Variants in CKAP5 observed in about 807,000 individuals in gnomAD.
The protein encoded by CKAP5 is cytoskeleton associated protein 5.
CKAP5 carries 27 observed loss-of-function variants against 232.8 expected under a neutral mutation model. The ratio of observed to expected loss-of-function variants is 0.12; its 90% CI spans 0.09 to 0.16. The LOEUF (loss-of-function observed/expected upper bound fraction) is 0.16. CKAP5 is among the 10% of genes least tolerant of loss of function. CKAP5 has a pLI of 1.00. For missense variants in CKAP5, 1,838 were observed against 2,424.7 expected (o/e 0.76, Z 5.08); for synonymous variants, 785 against 841.1 (o/e 0.93, Z 1.16).
intron 1 of CKAP5, among the ~76,000 whole-genome samples, chr11:46,844,346 C>T (rs1488184969): frequency 6.6e-6 from 1 of 152,154 alleles, no homozygotes; most frequent in African/African-American, 2.4e-5. Context: ...TTCTCCCATA[C>T]CTACAAGCCC....
rs189889474 is a variant in CKAP5 at position 46,768,731 on chromosome 11, G to A, written c.3323-1068C>T. 1.8e-3 allele frequency among the ~76,000 whole-genome samples: 271 copies of A among 149,858 alleles called. 2 individuals are homozygous for A. Among genetic ancestry groups the A allele is most frequent in the Non-Finnish European group, 1.8e-3 (123 of 67,422 alleles). ...TGGGTAGCTGGGACCACAGGTGTGC[G>A]CCACCAAGACTAGCTAATTTTTGTA... On this transcript the variant is annotated intron_variant, in intron 26 of 43. Coordinates refer to ENST00000529230, the MANE Select transcript of CKAP5 (RefSeq NM_001008938.4).
chr11:46,788,197 G>A (rs988131593), intron 16 of CKAP5, among the ~76,000 whole-genome samples: 5 of 152,184 alleles, frequency 3.3e-5, no homozygotes, highest in Non-Finnish European at 7.3e-5. Context: ...TGCACAAGGG[G>A]TAGTACCCCT....
Position 46,744,473 on chromosome 11 carries a change from C to T in CKAP5, c.5809G>A (p.Glu1937Lys). 2 of 1,614,130 alleles carry T rather than the reference C, an allele frequency of 1.2e-6. No individual in the cohort carries two copies. Among genetic ancestry groups the T allele is most frequent in the Non-Finnish European group, 1.7e-6 (2 of 1,180,032 alleles). The change falls in exon 43 of 44, where the codon GAA becomes AAA. Residue 1937 changes from glutamate to lysine, a missense_variant. Glu to Lys is a moderately conservative substitution (Grantham distance 56). This residue lies in a region of CKAP5 where 579 missense variants were observed against 843.2 expected (regional missense o/e 0.69). Coordinates refer to ENST00000529230, the MANE Select transcript of CKAP5 (RefSeq NM_001008938.4). The stretch of plus-strand genomic sequence containing the variant: ...CGCTGTCGGAGGATCTTTAGCCTTT[C>T]CAAGTAGACAGATGGCCCCACTTCT... ...GEEVGPSVYL[E>K]RLKILRQRCG...
chr11:46,784,292 C>T (rs565732541), intron 17 of CKAP5, among the ~76,000 whole-genome samples, 196 bp downstream of exon 17: 34 of 151,988 alleles, frequency 2.2e-4, no homozygotes, highest in East Asian at 3.9e-4. Context: ...CACTTGAACC[C>T]GGGAGGGTTG....
chr11:46,746,711 G>A (rs2065024873), intron 42 of CKAP5, among the ~76,000 whole-genome samples: 1 of 152,202 alleles, frequency 6.6e-6, no homozygotes. Flanking sequence ...GTGTGTGAAG[G>A]TGAAAGCCTA....
chr11:46,783,854 C>A (rs1021977507), intron 17 of CKAP5, among the ~76,000 whole-genome samples: 10 of 151,594 alleles, frequency 6.6e-5, no homozygotes, highest in Non-Finnish European at 1.5e-4. Flanking sequence ...TACAGGTGTG[C>A]ACCACCACGC....
intron 27 of CKAP5, among the ~76,000 whole-genome samples, 173 bp from the exon 28 acceptor site, chr11:46,765,429 TAGAAATTTTTCTGA>T (rs1395087233): frequency 6.6e-6 from 1 of 152,200 alleles, no homozygotes; most frequent in African/African-American, 2.4e-5. Flanking sequence ...ACAGGTTCTC[TAGAAATTTTTCTGA>T]GAATATTCTT....
At chr11:46,818,273 G>A in intron 3 of CKAP5, 37 bp downstream of exon 3, 1 of 1,475,204 alleles carries the variant, frequency 6.8e-7, no homozygotes, top group Non-Finnish European at 9.1e-7. Flanking sequence ...CACCAAACAG[G>A]GGTTTTTATC....
intron 4 of CKAP5, among the ~76,000 whole-genome samples, chr11:46,814,131 CAAAAAAAAAAAAAA>C (rs60142188): frequency 1.2e-5 from 1 of 81,266 alleles, no homozygotes; most frequent in Non-Finnish European, 2.3e-5. Context: ...GACCTTGTCT[CAAAAAAAAAAAAAA>C]AAAAAAAAAA....
intron 25 of CKAP5, 48 bp downstream of exon 25, chr11:46,770,740 T>C (rs1230650076): frequency 1.1e-5 from 17 of 1,552,538 alleles, no homozygotes; most frequent in Non-Finnish European, 1.5e-5. Flanking sequence ...ATGTTAAATA[T>C]ATTTTTTAAT....
intron 1 of CKAP5, among the ~76,000 whole-genome samples, chr11:46,821,894 C>T (rs949270302): frequency 6.6e-6 from 1 of 151,812 alleles, no homozygotes. Context: ...CAAAAATTAG[C>T]TGGGTGTGGT....
At chr11:46,815,005 T>C (rs1210283406) in intron 4 of CKAP5, among the ~76,000 whole-genome samples, 3 of 152,194 alleles carry the variant, frequency 2.0e-5, no homozygotes, top group Admixed American at 6.5e-5. Context: ...AGGCCAGTAC[T>C]TTTCTTTTCA....
chr11:46,792,082 A>T (rs1272449779), intron 13 of CKAP5, among the ~76,000 whole-genome samples: 2 of 152,222 alleles, frequency 1.3e-5, no homozygotes, highest in African/African-American at 2.4e-5. Context: ...TAACCCCATA[A>T]AAGGATTTGC....
At chr11:46,807,940 G>T in intron 8 of CKAP5, 91 bp downstream of exon 8, 1 of 805,558 alleles carries the variant, frequency 1.2e-6, no homozygotes, top group African/African-American at 1.7e-5. Flanking sequence ...TCCTTAAGTG[G>T]CAATGTATGT....
chr11:46,784,485 A>G lies in CKAP5; in HGVS notation c.2154+3T>C. 1 of 1,609,630 alleles carries G rather than the reference A, an allele frequency of 6.2e-7. No individual in the cohort carries two copies. The highest frequency in any genetic ancestry group is 8.5e-7 in the Non-Finnish European group (1 of 1,177,476). ...AGAGGAATAAGACTTCTGTGTCACT[A>G]ACCTGTTCAGCAGTCCATGGTAACA... is the stretch of plus-strand genomic sequence containing the variant. On this transcript the variant is annotated splice_donor_region_variant and intron_variant, in intron 17 of 43. Transcript: ENST00000529230.
At chr11:46,766,081 T>C (rs2065200450) in intron 27 of CKAP5, among the ~76,000 whole-genome samples, 1 of 152,288 alleles carries the variant, frequency 6.6e-6, no homozygotes, top group Admixed American at 6.5e-5. Flanking sequence ...TCATATCAGA[T>C]AGAAAGAAAA....
intron 1 of CKAP5, among the ~76,000 whole-genome samples, chr11:46,822,990 T>C (rs941486978): frequency 1.3e-5 from 2 of 152,152 alleles, no homozygotes; most frequent in Non-Finnish European, 2.9e-5. Context: ...GACAGCGTCT[T>C]GCTCTGTCGT....
chr11:46,838,921 TTATC>T (rs1272117014), intron 1 of CKAP5, among the ~76,000 whole-genome samples: 8 of 152,068 alleles, frequency 5.3e-5, no homozygotes, highest in African/African-American at 1.9e-4. Context: ...GATACTGTTT[TTATC>T]ACTTTTTTGT....
chr11:46,805,091 C>T (rs1314330195), intron 8 of CKAP5, among the ~76,000 whole-genome samples: 2 of 151,414 alleles, frequency 1.3e-5, no homozygotes, highest in African/African-American at 2.4e-5. Flanking sequence ...AAAAATTAGC[C>T]GGGCATGGTG....
Sources: gnomAD v4.1 joint callset for allele counts (sites outside exome capture counted in the v4.1 genomes callset) on GRCh38, gnomAD v4.1.1 for gene constraint, gnomAD v4.1.1 regional missense constraint, MANE v1.5 for transcripts, NCBI Gene and HGNC (gene_info 2026-07-23, HGNC 2026-07-21) for gene names.